The following FBXO11 variants were observed in gnomAD, a reference collection of about 807,000 sequenced individuals.
FBXO11 encodes F-box protein 11, also known as F-box only protein 11.
In FBXO11, 13 loss-of-function variants were observed where a neutral mutation model predicts 117.0. The observed-to-expected ratio is 0.11, with a 90% CI of 0.07 to 0.18. The LOEUF (loss-of-function observed/expected upper bound fraction) is 0.18, where lower values mean the gene tolerates loss of function less well. Among genes scored for constraint, FBXO11 ranks in the 10% least tolerant of loss-of-function variants. The probability of loss-of-function intolerance (pLI) is 1.00; values close to 1 mark genes in which losing one functional copy is unlikely to be tolerated. For synonymous variants in FBXO11, 490 were observed against 380.5 expected, an observed-to-expected ratio of 1.29 and a Z score of -3.35; for missense variants, 767 against 1,164.4, an observed-to-expected ratio of 0.66 and a Z score of 4.97.
In FBXO11 at chr2:47,810,353, G is replaced by C; in HGVS notation, c.2301C>G (p.Ile767Met). Residue 767 changes from isoleucine to methionine, a missense_variant, in exon 19 of 23, where the codon ATC becomes ATG. Ile to Met is a conservative substitution (Grantham distance 10, BLOSUM62 1). This residue lies in a region of FBXO11 where 66 missense variants were observed against 82.7 expected (regional missense o/e 0.80). Coordinates refer to ENST00000403359, the MANE Select transcript of FBXO11 (RefSeq NM_001190274.2). ...GVLISTNSHP[I>M]LRKNRIFDGF... ...CATCAAATATTCTGTTTTTCCTTAA[G>C]ATTGGATGACTATTAGTGCTGATGA... 1 of 1,609,480 alleles carries C rather than the reference G, an allele frequency of 6.2e-7. No homozygotes were observed. Among genetic ancestry groups the C allele is most frequent in the South Asian group, 1.1e-5 (1 of 89,802 alleles).
At chr2:47,872,259 G>C (rs1675677110) in intron 1 of FBXO11, among the ~76,000 whole-genome samples, 1 of 151,390 alleles carries the variant, frequency 6.6e-6, no homozygotes, top group Non-Finnish European at 1.5e-5. Flanking sequence ...AGTGTAGTCT[G>C]GGAATTCCTG....
chr2:47,859,054 AAAAAGAAAAG>A (rs916754158), intron 1 of FBXO11, among the ~76,000 whole-genome samples: 4 of 150,266 alleles, frequency 2.7e-5, no homozygotes, highest in Admixed American at 6.6e-5. Flanking sequence ...AAAAAAAAAA[AAAAAGAAAAG>A]AAAAGAAAAG....
At chr2:47,889,297 A>T (rs990884712) in intron 1 of FBXO11, among the ~76,000 whole-genome samples, 3 of 152,236 alleles carry the variant, frequency 2.0e-5, no homozygotes, top group Admixed American at 6.5e-5. Context: ...GGCTCTTCAT[A>T]GAACCATGTA....
intron 18 of FBXO11, 160 bp downstream of exon 18, chr2:47,813,072 CTT>C (rs1359882289): frequency 1.4e-6 from 1 of 738,564 alleles, no homozygotes; most frequent in Non-Finnish European, 2.4e-6. Flanking sequence ...ACATTTGTCT[CTT>C]AACTCTAGGC....
intron 1 of FBXO11, among the ~76,000 whole-genome samples, chr2:47,844,158 A>C (rs1458161264): frequency 6.6e-6 from 1 of 152,078 alleles, no homozygotes; most frequent in East Asian, 1.9e-4. Flanking sequence ...TTATATTTTT[A>C]ATTTCTAAAA....
At chr2:47,856,949 T>A (rs185727375) in intron 1 of FBXO11, among the ~76,000 whole-genome samples, 1 of 152,190 alleles carries the variant, frequency 6.6e-6, no homozygotes, top group Non-Finnish European at 1.5e-5. Context: ...CTGGGATGAG[T>A]TGGATGGTAA....
chr2:47,807,650 T>C lies in FBXO11; in HGVS notation c.*468A>G, dbSNP rs1462200207. Reference sequence around the variant, plus strand: ...GATTAAAGCATTAAAATCATATTTCTCAATCTGAATACATGTTAAAAAAAA... The same window carrying C: ...GATTAAAGCATTAAAATCATATTTCCCAATCTGAATACATGTTAAAAAAAA... On this transcript the variant is annotated 3_prime_UTR_variant, in exon 23 of 23. Transcript: ENST00000403359. 9.5e-6 allele frequency: 2 copies of C among 209,910 alleles called. No homozygotes were observed. Among genetic ancestry groups the C allele is most frequent in the Non-Finnish European group, 1.9e-5 (2 of 107,950 alleles). The allele number at this position is 209,910 out of a possible 1,614,324, so 13.0% of individuals were successfully genotyped here. A position where few individuals can be genotyped will look rare whatever the true frequency, so the allele number is the denominator to read the frequency against.
At chr2:47,818,692 G>T in intron 16 of FBXO11, 87 bp downstream of exon 16, 2 of 785,384 alleles carry the variant, frequency 2.5e-6, no homozygotes, top group South Asian at 1.9e-5. Flanking sequence ...ATAAAGATTG[G>T]GCATTAAACA....
Position 47,839,735 on chromosome 2 carries a change from T to G in FBXO11, c.267A>C (p.Glu89Asp), listed in dbSNP as rs767159504. 1.9e-5 allele frequency: 31 copies of G among 1,613,902 alleles called. No individual in the cohort carries two copies. The South Asian group carries it at 2.1e-4, about 11-fold the overall frequency. ...DDVPADMVAE[E>D]SGPGAQNSPY... ...GACTATTTTGTGCACCAGGACCTGATTCTTCTGCAACCATATCTGCAGGCA... is the reference window on the plus strand; with the variant it reads ...GACTATTTTGTGCACCAGGACCTGAGTCTTCTGCAACCATATCTGCAGGCA... The change falls in exon 2 of 23, where the codon GAA (glutamate) becomes GAC (aspartate). Residue 89 changes from glutamate to aspartate, a missense_variant. Physicochemically the swap from Glu to Asp is conservative, Grantham distance 45. Transcript: ENST00000403359.
At chr2:47,900,697 CACACACGTGTAT>C (rs1558487045) in intron 1 of FBXO11, among the ~76,000 whole-genome samples, 46 of 90,974 alleles carry the variant, frequency 5.1e-4, no homozygotes, top group Admixed American at 9.5e-4. Flanking sequence ...CACACGTATA[CACACACGTGTAT>C]ATATATACAC....
intron 1 of FBXO11, among the ~76,000 whole-genome samples, chr2:47,893,900 G>C (rs1677453534): frequency 1.3e-5 from 2 of 152,168 alleles, no homozygotes; most frequent in African/African-American, 4.8e-5. Context: ...GTTGAAAAAA[G>C]AAAATGGAAA....
Position 47,905,551 on chromosome 2 carries a change from GGCTGCT to G in FBXO11, c.164_169del (p.Gln55_Gln56del), listed in dbSNP as rs746953076. On this transcript the variant is annotated inframe_deletion, in exon 1 of 23. Transcript: ENST00000403359. ...CGGAGGCGGCGGTGGCGGCGGCGGA[GGCTGCT>G]GCTGCTGCTGCTGCTGCGGCGGCGG... 2.0e-4 allele frequency: 246 copies of G among 1,239,530 alleles called. No individual in the cohort carries two copies. The highest frequency in any genetic ancestry group is 1.2e-3 in the Admixed American group (29 of 23,972). The allele number at this position is 1,239,530 out of a possible 1,614,324, so 76.8% of individuals were successfully genotyped here.
chr2:47,905,637 C>CGGG lies in FBXO11; in HGVS notation c.81_83dup (p.Pro28dup). On this transcript the variant is annotated inframe_insertion, in exon 1 of 23. Transcript: ENST00000403359. Reference sequence around the variant, plus strand: ...GGGGCGGCTGCGGCGGCGGCTGCTGCGGGGGCTGCTGCTGCTGTTGCTGCA... The same window carrying CGGG: ...GGGGCGGCTGCGGCGGCGGCTGCTGCGGGGGGGGCTGCTGCTGCTGTTGCTGCA... 1 of 1,417,608 alleles carries CGGG rather than the reference C, an allele frequency of 7.1e-7. No individual in the cohort carries two copies. The highest frequency in any genetic ancestry group is 9.2e-7 in the Non-Finnish European group (1 of 1,082,814). The allele number at this position is 1,417,608 out of a possible 1,614,324, so 87.8% of individuals were successfully genotyped here. A position where few individuals can be genotyped will look rare whatever the true frequency, so the allele number is the denominator to read the frequency against.
intron 11 of FBXO11, among the ~76,000 whole-genome samples, chr2:47,827,569 A>G (rs920298943): frequency 6.6e-5 from 10 of 152,218 alleles, no homozygotes. Context: ...GGCTTCCCGA[A>G]GTGCTGGGAT....
chr2:47,835,854 T>G lies in FBXO11; in HGVS notation c.717+18A>C. On this transcript the variant is annotated intron_variant, in intron 5 of 22. Transcript: ENST00000403359. ...AAATGTATAATATAAACCAATATAT[T>G]CTATTTATATTTCATACCAACTGCT... 6.4e-7 allele frequency: 1 copy of G among 1,568,988 alleles called. No individual in the cohort carries two copies. The highest frequency in any genetic ancestry group is 8.7e-7 in the Non-Finnish European group (1 of 1,150,432).
chr2:47,881,501 CTATT>C (rs1333649607), intron 1 of FBXO11, among the ~76,000 whole-genome samples: 1 of 152,100 alleles, frequency 6.6e-6, no homozygotes, highest in East Asian at 1.9e-4. Flanking sequence ...TCCCATTACC[CTATT>C]TAATCAATAG....
At chr2:47,846,433 C>T (rs1673415736) in intron 1 of FBXO11, among the ~76,000 whole-genome samples, 1 of 152,162 alleles carries the variant, frequency 6.6e-6, no homozygotes, top group Admixed American at 6.5e-5. Context: ...TGCCATTGCA[C>T]TCCAGCCTGG....
intron 11 of FBXO11, among the ~76,000 whole-genome samples, chr2:47,823,753 C>A (rs1671546629): frequency 1.4e-5 from 2 of 148,014 alleles, no homozygotes; most frequent in Non-Finnish European, 3.0e-5. Flanking sequence ...AACTCCGTCT[C>A]AAAAAAAATT....
At chr2:47,871,452 T>C (rs1675617717) in intron 1 of FBXO11, among the ~76,000 whole-genome samples, 1 of 152,196 alleles carries the variant, frequency 6.6e-6, no homozygotes, top group African/African-American at 2.4e-5. Context: ...GATGTTAAAT[T>C]TGGGGGTAAT....
Sources: allele counts gnomAD v4.1 joint callset (sites outside exome capture counted in the v4.1 genomes callset), GRCh38; gene constraint gnomAD v4.1.1; regional missense constraint gnomAD v4.1.1; transcripts MANE v1.5; gene names NCBI Gene and HGNC (gene_info 2026-07-23, HGNC 2026-07-21).